The following BTBD1 variants were observed in gnomAD, a reference collection of about 807,000 sequenced individuals.
BTBD1 encodes the protein BTB domain containing 1, also known as BTB/POZ domain-containing protein 1.
In BTBD1, 34 loss-of-function variants were observed where a neutral mutation model predicts 48.0. That is an observed-to-expected ratio of 0.71 (90% CI 0.54 to 0.94). BTBD1 has a LOEUF of 0.94. Ranked by LOEUF, BTBD1 falls within the 40% of genes least tolerant of loss-of-function variation. The pLI, the probability that BTBD1 is intolerant of heterozygous loss-of-function variation, is 0.00. For synonymous variants in BTBD1, 261 were observed against 242.1 expected, an observed-to-expected ratio of 1.08 and a Z score of -0.72; for missense variants, 543 against 625.6, an observed-to-expected ratio of 0.87 and a Z score of 1.41.
chr15:83,041,586 T>C, intron 4 of BTBD1, 142 bp downstream of exon 4: 1 of 697,706 alleles, frequency 1.4e-6, no homozygotes, highest in Non-Finnish European at 2.5e-6. Context: ...TTGACAAGGC[T>C]GGTGTCGAAC....
chr15:83,030,266 C>T lies in BTBD1; in HGVS notation c.925G>A (p.Val309Ile). ...EVVNLFLHFT[V>I]NPKPRVEYID... is the part of the protein sequence containing the mutation. Reference sequence around the variant, plus strand: ...TATTCAACTCGGGGTTTAGGGTTGACAGTAAAATGAAGAAAGAGGTTTACC... The same window carrying T: ...TATTCAACTCGGGGTTTAGGGTTGATAGTAAAATGAAGAAAGAGGTTTACC... The change falls in exon 5 of 8, where the codon GTC (valine) becomes ATC (isoleucine). Residue 309 changes from valine to isoleucine, a missense_variant. This residue lies in a region of BTBD1 where 300 missense variants were observed against 350.0 expected (regional missense o/e 0.86). Transcript: ENST00000261721. 6.2e-7 allele frequency: 1 copy of T among 1,613,748 alleles called. No homozygotes were observed. Among genetic ancestry groups the T allele is most frequent in the East Asian group, 2.2e-5 (1 of 44,864 alleles).
chr15:83,044,463 C>A, intron 3 of BTBD1: 5 of 1,577,336 alleles, frequency 3.2e-6, no homozygotes, highest in African/African-American at 1.3e-5. Flanking sequence ...AACTGCTTTG[C>A]GAAAAATGGA....
chr15:83,030,369 T>C, intron 4 of BTBD1, 41 bp from the exon 5 acceptor site: 2 of 1,514,124 alleles, frequency 1.3e-6, no homozygotes, highest in Non-Finnish European at 1.8e-6. Flanking sequence ...AGGAATTTGA[T>C]TTCAATTCCT....
chr15:83,056,859 G>A (rs2033095465), intron 1 of BTBD1, among the ~76,000 whole-genome samples: 1 of 151,700 alleles, frequency 6.6e-6, no homozygotes, highest in Admixed American at 6.6e-5. Context: ...TATCACACCT[G>A]GCTAATTTTT....
chr15:83,029,747 G>T, intron 5 of BTBD1: 1 of 178,358 alleles, frequency 5.6e-6, no homozygotes, highest in Non-Finnish European at 1.2e-5. Context: ...GGTGATGCAT[G>T]CCTTACAGGT....
intron 5 of BTBD1, among the ~76,000 whole-genome samples, chr15:83,023,898 C>T (rs2032350709): frequency 1.3e-5 from 2 of 152,122 alleles, no homozygotes; most frequent in Non-Finnish European, 2.9e-5. Context: ...CACAGGATCT[C>T]ACTTTGTCAA....
chr15:83,063,493 G>A lies in BTBD1; in HGVS notation c.401+3258C>T, dbSNP rs570007023. On this transcript the variant is annotated intron_variant, in intron 1 of 7. Transcript: ENST00000261721. ...CTGGTACAAGGTACAATTCACCATC[G>A]CCTCTTGCCTGGACTACTGCAAAAG... is the stretch of plus-strand genomic sequence containing the variant. Among the ~76,000 whole-genome samples the A allele has an allele frequency of 3.3e-5, 5 of 152,156 alleles. No homozygotes were observed. The South Asian group carries it at 6.2e-4, about 19-fold the overall frequency.
At position 83,051,873 on chromosome 15, in the gene BTBD1, T is replaced by TACACACACACACAC. The variant is rs766997533; in HGVS notation, c.559-1696_559-1695insGTGTGTGTGTGTGT. Among the ~76,000 whole-genome samples the TACACACACACACAC allele has an allele frequency of 1.6e-3, 38 of 23,686 alleles. No homozygotes were observed. In the East Asian group the frequency reaches 0.022, roughly 14 times the overall value. The allele number at this position is 23,686 out of a possible 152,430, so 15.5% of individuals were successfully genotyped here. ...CTCATTTATTAATTTTTTTTCCATA[T>TACACACACACACAC]ATATACACACACACACACACACACA... On this transcript the variant is annotated intron_variant, in intron 2 of 7. Coordinates refer to ENST00000261721, the MANE Select transcript of BTBD1 (RefSeq NM_025238.4).
chr15:83,041,649 T>C (rs918017933), intron 4 of BTBD1, 79 bp downstream of exon 4: 5 of 1,338,096 alleles, frequency 3.7e-6, no homozygotes, highest in Admixed American at 1.7e-5. Context: ...GCTGGGATTA[T>C]AGGTGTGAGC....
chr15:83,059,641 G>C (rs2033145869), intron 1 of BTBD1, among the ~76,000 whole-genome samples: 1 of 152,210 alleles, frequency 6.6e-6, no homozygotes, highest in African/African-American at 2.4e-5. Flanking sequence ...GGAGAGTGGT[G>C]GCACGATCAT....
chr15:83,066,227 G>A (rs1171025892), intron 1 of BTBD1, among the ~76,000 whole-genome samples: 1 of 152,098 alleles, frequency 6.6e-6, no homozygotes, highest in Non-Finnish European at 1.5e-5. Flanking sequence ...TGAGCCCGGA[G>A]AGGTCGAGGC....
At chr15:83,044,233 A>G (rs1250920517) in intron 3 of BTBD1, 3 of 608,032 alleles carry the variant, frequency 4.9e-6, no homozygotes, top group South Asian at 3.9e-5. Flanking sequence ...TATCCAGTAC[A>G]TATTGTTTAA....
chr15:83,039,777 C>CAA (rs34059984), intron 4 of BTBD1, among the ~76,000 whole-genome samples: 5 of 97,484 alleles, frequency 5.1e-5, no homozygotes, highest in Admixed American at 1.1e-4. Context: ...GGCTCTGTCT[C>CAA]AAAAAAAAAA....
In BTBD1 at chr15:83,036,838, C is replaced by T. The variant is rs76426467; in HGVS notation, c.862+4890G>A. Among the ~76,000 whole-genome samples, 886 of 152,124 alleles carry T rather than the reference C, an allele frequency of 5.8e-3. 16 individuals are homozygous for T. Among genetic ancestry groups the T allele is most frequent in the African/African-American group, 0.02 (846 of 41,480 alleles). On this transcript the variant is annotated intron_variant, in intron 4 of 7. Transcript: ENST00000261721. ...GAATACACACCATATATATGATTTC[C>T]TTTATATAAAGTTTACATATGGACA...
rs746536902 is a variant in BTBD1, at chr15:83,016,716, G to A, written c.*1351C>T. On this transcript the variant is annotated 3_prime_UTR_variant, in exon 8 of 8. Transcript: ENST00000261721. ...CCATAGATAATTCCATTTAACTGAG[G>A]TTTATATCCGTAAGAGCATTACCAT... 1 of 152,008 alleles carries A rather than the reference G, an allele frequency of 6.6e-6. No individual in the cohort carries two copies. 9.4% of individuals were successfully genotyped at this position (152,008 alleles called of 1,614,324 possible). A position where few individuals can be genotyped will look rare whatever the true frequency, so the allele number is the denominator to read the frequency against.
Position 83,041,896 on chromosome 15 carries a change from T to A in BTBD1, c.694A>T (p.Thr232Ser), listed in dbSNP as rs2032768068. 1 of 1,614,062 alleles carries A rather than the reference T, an allele frequency of 6.2e-7. No individual in the cohort carries two copies. Among genetic ancestry groups the A allele is most frequent in the South Asian group, 1.1e-5 (1 of 91,084 alleles). Reference protein sequence around the residue: ...DTLCAVLERDTLSIRESRLFG... With the variant: ...DTLCAVLERDSLSIRESRLFG... ...AGTCGACTTTCTCGAATACTGAGTGTGTCTCTCTCTAAAACTGCACAGAGT... is the reference window on the plus strand; with the variant it reads ...AGTCGACTTTCTCGAATACTGAGTGAGTCTCTCTCTAAAACTGCACAGAGT... Residue 232 changes from threonine (T) to serine (S), a missense_variant, in exon 4 of 8, where the codon ACA (threonine) becomes TCA (serine). Thr to Ser is a moderately conservative substitution (Grantham distance 58). This residue lies in a region of BTBD1 where 300 missense variants were observed against 350.0 expected (regional missense o/e 0.86). Transcript: ENST00000261721.
At chr15:83,043,434 A>T (rs1175179325) in intron 3 of BTBD1, among the ~76,000 whole-genome samples, 2 of 152,142 alleles carry the variant, frequency 1.3e-5, no homozygotes, top group Non-Finnish European at 2.9e-5. Flanking sequence ...CTTTTACTCT[A>T]AGTGACATGG....
intron 6 of BTBD1, among the ~76,000 whole-genome samples, chr15:83,019,624 T>C (rs1438509469): frequency 1.4e-5 from 2 of 146,252 alleles, no homozygotes; most frequent in African/African-American, 5.1e-5. Flanking sequence ...AGTCTCACTC[T>C]GTAGCCCTGG....
chr15:83,059,283 C>T (rs1330349477), intron 1 of BTBD1, among the ~76,000 whole-genome samples: 4 of 152,150 alleles, frequency 2.6e-5, no homozygotes, highest in East Asian at 1.9e-4. Context: ...TGGTGGCTCA[C>T]GCCTGTAATC....
Sources: gnomAD v4.1 joint callset for allele counts (sites outside exome capture counted in the v4.1 genomes callset) on GRCh38, gnomAD v4.1.1 for gene constraint, gnomAD v4.1.1 regional missense constraint, MANE v1.5 for transcripts, NCBI Gene and HGNC (gene_info 2026-07-23, HGNC 2026-07-21) for gene names.